The following PIN4 variants were observed in gnomAD, a reference collection of about 807,000 sequenced individuals.
PIN4 encodes peptidylprolyl cis/trans isomerase, NIMA-interacting 4.
A neutral mutation model predicts 8.3 loss-of-function variants in PIN4; 3 were observed. The observed-to-expected ratio is 0.36, with a 90% CI of 0.16 to 0.93. The LOEUF is 0.93. Among genes scored for constraint, PIN4 ranks in the 40% least tolerant of loss-of-function variants. The pLI, the probability that PIN4 is intolerant of heterozygous loss-of-function variation, is 0.44. For synonymous variants in PIN4, 18 were observed against 32.5 expected, an observed-to-expected ratio of 0.55 and a Z score of 1.52; for missense variants, 75 against 100.6, an observed-to-expected ratio of 0.75 and a Z score of 1.09.
At chrX:72,210,206 T>A (rs1275531608) in intron 3 of PIN4, among the ~76,000 whole-genome samples, 6 of 66,318 alleles carry the variant, frequency 9.0e-5, no homozygotes, top group African/African-American at 2.6e-4. Context: ...TCTTAAAAAA[T>A]AAATAAATAA....
chrX:72,214,248 T>A (rs1253338818), intron 3 of PIN4, among the ~76,000 whole-genome samples: 1 of 111,984 alleles, frequency 8.9e-6, no homozygotes, highest in African/African-American at 3.2e-5. Context: ...CAAACAATAT[T>A]ATTAAATAGT....
intron 3 of PIN4, among the ~76,000 whole-genome samples, chrX:72,218,114 C>T (rs1338301861): frequency 1.8e-5 from 2 of 109,574 alleles, no homozygotes; most frequent in African/African-American, 6.6e-5. Context: ...ACTAAAAATA[C>T]AAAAAATTAG....
At chrX:72,252,679 C>G (rs779105180) in intron 3 of PIN4, among the ~76,000 whole-genome samples, 33 of 112,044 alleles carry the variant, frequency 2.9e-4, no homozygotes, top group South Asian at 2.6e-3. Context: ...CGTGAGCCAC[C>G]GCGCCCGGTC....
At chrX:72,199,175 G>A (rs2042780577), downstream of PIN4, 1 of 111,802 alleles carries the variant, frequency 8.9e-6, no homozygotes, top group Non-Finnish European at 1.9e-5. Flanking sequence ...AGCCTCCCTA[G>A]TAGCTGGGAC....
intron 3 of PIN4, among the ~76,000 whole-genome samples, chrX:72,258,241 G>A (rs762979306): frequency 1.8e-5 from 2 of 112,015 alleles, no homozygotes; most frequent in Non-Finnish European, 3.8e-5. Flanking sequence ...GCCTTGGATC[G>A]GCCCTGGCCC....
chrX:72,208,293 G>A (rs755606821), intron 3 of PIN4: 10 of 1,210,192 alleles, frequency 8.3e-6, no homozygotes, highest in Middle Eastern at 4.6e-4. Flanking sequence ...TTACCCATGT[G>A]TTAATAAGAT....
intron 1 of PIN4, 48 bp downstream of exon 1, chrX:72,181,876 A>C: frequency 1.3e-6 from 1 of 762,243 alleles, no homozygotes; most frequent in Non-Finnish European, 2.0e-6. Flanking sequence ...GTGAGGAGCG[A>C]AGGGAGGGAA....
At chrX:72,211,441 A>G (rs2042853534) in intron 3 of PIN4, among the ~76,000 whole-genome samples, 1 of 111,892 alleles carries the variant, frequency 8.9e-6, no homozygotes, top group South Asian at 3.7e-4. Flanking sequence ...TTATGTTTAA[A>G]TGGTTTTACC....
In PIN4 at chrX:72,195,936, T is replaced by C. The variant is rs2042762775; in HGVS notation, c.118-849T>C. 2.8e-5 allele frequency among the ~76,000 whole-genome samples: 3 copies of C among 109,006 alleles called. No individual in the cohort carries two copies. The South Asian group carries it at 1.2e-3, about 43-fold the overall frequency. The allele number at this position is 109,006 out of a possible 115,157, so 94.7% of individuals were successfully genotyped here. A position where few individuals can be genotyped will look rare whatever the true frequency, so the allele number is the denominator to read the frequency against. On this transcript the variant is annotated intron_variant, in intron 2 of 3. Coordinates refer to ENST00000373669, the MANE Select transcript of PIN4 (RefSeq NM_006223.4). ...GGGTTCAAGACCGGCCTGGCCAACG[T>C]GGTGAAACACCATCTCTACTAAAAA...
chrX:72,254,619 G>A (rs183756172), intron 3 of PIN4, among the ~76,000 whole-genome samples: 2 of 112,178 alleles, frequency 1.8e-5, no homozygotes, highest in Non-Finnish European at 3.8e-5. Context: ...GATTTGGGGA[G>A]AGGAAGGGTT....
At position 72,197,476 on chromosome X, in the gene PIN4, G is replaced by A; in HGVS notation, c.346G>A (p.Val116Ile). The A allele has an allele frequency of 1.7e-6, 2 of 1,207,273 alleles. No homozygotes were observed. Among genetic ancestry groups the A allele is most frequent in the Non-Finnish European group, 1.1e-6 (1 of 891,704 alleles). ...MDKPVFTDPP[V>I]KTKFGYHIIM... Reference sequence around the variant, plus strand: ...TAAGCCTGTGTTTACAGACCCACCGGTTAAGACAAAATTTGGATATCATAT... The same window carrying A: ...TAAGCCTGTGTTTACAGACCCACCGATTAAGACAAAATTTGGATATCATAT... The change falls in exon 4 of 4, where the codon GTT (valine) becomes ATT (isoleucine). Residue 116 changes from valine (V) to isoleucine (I), a missense_variant. Physicochemically the swap from Val to Ile is conservative, Grantham distance 29 (BLOSUM62 3). Transcript: ENST00000373669.
intron 3 of PIN4, among the ~76,000 whole-genome samples, chrX:72,220,568 C>T (rs974228096): frequency 9.0e-6 from 1 of 111,053 alleles, no homozygotes; most frequent in African/African-American, 3.3e-5. Flanking sequence ...ATGCTAGCCC[C>T]AAGATAACCC....
At chrX:72,262,770 G>A in exon 4 of PIN4, 1 of 1,138,037 alleles carries the variant, frequency 8.8e-7, no homozygotes, top group Non-Finnish European at 1.2e-6. Flanking sequence ...CATCTCATTG[G>A]TATCATATTT....
intron 3 of PIN4, among the ~76,000 whole-genome samples, chrX:72,240,310 C>T (rs146464793): frequency 0.044 from 4,875 of 111,202 alleles, 208 homozygotes; most frequent in African/African-American, 0.14. Context: ...GTTTAAGTGG[C>T]TTGCTTGGGT....
downstream of PIN4, among the ~76,000 whole-genome samples, chrX:72,200,123 G>A (rs1274573547): frequency 1.9e-5 from 2 of 104,944 alleles, no homozygotes; most frequent in South Asian, 8.7e-4. Flanking sequence ...CCGAGATTGC[G>A]CCACTGCACT....
chrX:72,232,161 A>G (rs1250194394), intron 3 of PIN4, among the ~76,000 whole-genome samples: 1 of 110,002 alleles, frequency 9.1e-6, no homozygotes, highest in African/African-American at 3.3e-5. Context: ...CTTTAAAAAT[A>G]AAATAAAATA....
intron 3 of PIN4, among the ~76,000 whole-genome samples, chrX:72,211,742 C>T (rs1388405414): frequency 1.8e-5 from 2 of 110,015 alleles, no homozygotes; most frequent in Non-Finnish European, 3.8e-5. Context: ...CATGATCGCA[C>T]CACTGCACTA....
chrX:72,212,420 C>T (rs1358113726), intron 3 of PIN4, among the ~76,000 whole-genome samples: 1 of 111,903 alleles, frequency 8.9e-6, no homozygotes, highest in African/African-American at 3.2e-5. Context: ...AACCTTTCTT[C>T]TCCACAGAGG....
At chrX:72,219,076 T>C (rs1349276709) in intron 3 of PIN4, among the ~76,000 whole-genome samples, 1 of 111,191 alleles carries the variant, frequency 9.0e-6, no homozygotes, top group Admixed American at 9.5e-5. Flanking sequence ...GCCAACGCAG[T>C]GAAACCCCGT....
Sources: gnomAD v4.1 joint callset for allele counts (sites outside exome capture counted in the v4.1 genomes callset) on GRCh38, gnomAD v4.1.1 for gene constraint, MANE v1.5 for transcripts, NCBI Gene and HGNC (gene_info 2026-07-23, HGNC 2026-07-21) for gene names.